MBD6: variants seen among roughly 807,000 people sequenced by gnomAD.
The protein encoded by MBD6 is methyl-CpG binding domain protein 6.
Under a neutral mutation model 66.8 loss-of-function variants are expected in MBD6, and 22 were observed. The ratio of observed to expected loss-of-function variants is 0.33; its 90% CI spans 0.24 to 0.47. MBD6 has a LOEUF of 0.47. Ranked by LOEUF, MBD6 falls within the 20% of genes least tolerant of loss-of-function variation. The pLI is 1.00. For missense variants in MBD6, 1,322 were observed against 1,286.9 expected (o/e 1.03, Z -0.42); for synonymous variants, 540 against 534.6 (o/e 1.01, Z -0.14).
Position 57,525,924 on chromosome 12 carries a change from T to C in MBD6, c.956T>C (p.Leu319Pro). 4 of 1,611,362 alleles carry C rather than the reference T, an allele frequency of 2.5e-6. No individual in the cohort carries two copies. Among genetic ancestry groups the C allele is most frequent in the Non-Finnish European group, 3.4e-6 (4 of 1,179,090 alleles). The change falls in exon 6 of 13, where the codon CTT becomes CCT. Residue 319 changes from leucine (L) to proline (P), a missense_variant. By Grantham distance (98) the Leu-to-Pro change is moderately conservative. Transcript: ENST00000355673. The part of the protein sequence containing the change: ...TVEGPGAPPF[L>P]ASSLLSAAAK... The stretch of plus-strand genomic sequence containing the variant: ...GAGGGGCCTGGGGCACCCCCCTTCC[T>C]TGCTAGCAGCCTACTCTCTGCAGCG...
chr12:57,527,432 T>C, intron 7 of MBD6, 75 bp from the exon 8 acceptor site: 1 of 1,532,538 alleles, frequency 6.5e-7, no homozygotes, highest in Non-Finnish European at 9.0e-7. Context: ...TTCAGTCAGA[T>C]AGTGGATGTG....
chr12:57,527,076 G>C lies in MBD6; in HGVS notation c.1931G>C (p.Gly644Ala), dbSNP rs367729881. 50 of 1,603,036 alleles carry C rather than the reference G, an allele frequency of 3.1e-5. No individual in the cohort carries two copies. In the African/African-American group the frequency reaches 4.8e-4, roughly 15 times the overall value. ...GGGGATGGGGAGGGATCTGCAGAGG[G>C]AGCCGGGGGTCCAAGTGGGGAGCCA... ...TAGDGEGSAEGAGGPSGEPFS... is the reference protein window; with the variant it reads ...TAGDGEGSAEAAGGPSGEPFS... The change falls in exon 7 of 13, where the codon GGA becomes GCA. Residue 644 changes from glycine (G) to alanine (A), a missense_variant. Physicochemically the swap from Gly to Ala is moderately conservative, Grantham distance 60. Transcript: ENST00000355673.
At chr12:57,530,941 A>G (rs1222298423), downstream of MBD6, among the ~76,000 whole-genome samples, 1 of 152,236 alleles carries the variant, frequency 6.6e-6, no homozygotes, top group Non-Finnish European at 1.5e-5. Context: ...CTTAGAGTAC[A>G]TAGACCACGC....
intron 8 of MBD6, 76 bp from the exon 9 acceptor site, chr12:57,527,772 C>T (rs1009556207): frequency 6.4e-7 from 1 of 1,572,994 alleles, no homozygotes; most frequent in Non-Finnish European, 8.6e-7. Flanking sequence ...CTGGATAAAG[C>T]CTAAAGAGAA....
At chr12:57,529,091 T>A in intron 12 of MBD6, 69 bp from the exon 13 acceptor site, 1 of 1,612,080 alleles carries the variant, frequency 6.2e-7, no homozygotes, top group Non-Finnish European at 8.5e-7. Context: ...TTAGAGGGAG[T>A]GGGGAGAAAA....
In MBD6 at chr12:57,528,353, G is replaced by T; in HGVS notation, c.2613G>T (p.Glu871Asp). 6.2e-7 allele frequency: 1 copy of T among 1,612,014 alleles called. No homozygotes were observed. The highest frequency in any genetic ancestry group is 8.5e-7 in the Non-Finnish European group (1 of 1,179,608). Reference protein sequence around the residue: ...GGGGLRGINGEARPARGRKPG... With the variant: ...GGGGLRGINGDARPARGRKPG... ...GGGGACTTAGGGGCATTAATGGTGA[G>T]GCCAGGCCAGCCCGGGGCCGAAAGC... Residue 871 changes from glutamate (E) to aspartate (D), a missense_variant, in exon 10 of 13, where the codon GAG becomes GAT. Transcript: ENST00000355673.
In MBD6 at chr12:57,524,285, C is replaced by G. The variant is rs757955912; in HGVS notation, c.-19C>G. On this transcript the variant is annotated 5_prime_UTR_variant, in exon 3 of 13. Coordinates refer to ENST00000355673, the MANE Select transcript of MBD6 (RefSeq NM_052897.4). ...ATGGATGTCTGTGTTATCAGGCACG[C>G]GGGAGCTGATTACACACAATGAATG... 1.4e-5 allele frequency: 22 copies of G among 1,517,466 alleles called. No individual in the cohort carries two copies. In the Admixed American group the frequency reaches 4.8e-4, roughly 33 times the overall value. 94.0% of individuals were successfully genotyped at this position (1,517,466 alleles called of 1,614,324 possible). A position where few individuals can be genotyped will look rare whatever the true frequency, so the allele number is the denominator to read the frequency against.
intron 8 of MBD6, 38 bp from the exon 9 acceptor site, chr12:57,527,810 T>G (rs1473577250): frequency 1.2e-6 from 2 of 1,603,196 alleles, no homozygotes; most frequent in Non-Finnish European, 8.5e-7. Context: ...CTAATTGGTT[T>G]GCCTAGGGAG....
Position 57,525,863 on chromosome 12 carries a change from CT to C in MBD6, c.896del (p.Leu299ArgfsTer78), listed in dbSNP as rs760318775. The C allele has an allele frequency of 6.2e-7, 1 of 1,613,730 alleles. No individual in the cohort carries two copies. The highest frequency in any genetic ancestry group is 8.5e-7 in the Non-Finnish European group (1 of 1,179,856). ...PVSSATMHLP[L>X]VLGPLGGAPT... The stretch of plus-strand genomic sequence containing the variant: ...GTCTTCAGCCACTATGCACCTGCCC[CT>C]GGTCCTGGGGCCCCTGGGAGGGGCC... On this transcript the variant is annotated frameshift_variant, in exon 6 of 13. Coordinates refer to ENST00000355673, the MANE Select transcript of MBD6 (RefSeq NM_052897.4). LOFTEE classifies it high-confidence loss of function.
rs1879233888 is a variant in MBD6 at position 57,528,491 on chromosome 12, G to A, written c.2751G>A (p.Gly917=). The A allele has an allele frequency of 6.2e-7, 1 of 1,614,002 alleles. No individual in the cohort carries two copies. The highest frequency in any genetic ancestry group is 8.5e-7 in the Non-Finnish European group (1 of 1,180,006). ...GAACCCACCATTGGCAGCATAATGG[G>A]GAGCTGGCTGAAGGGGGTGCTGAGC... is the stretch of plus-strand genomic sequence containing the variant. ...PRRTHHWQHN[G]ELAEGGAEPK... is the part of the protein sequence containing the mutation. Residue 917 remains glycine (G), a synonymous_variant, in exon 10 of 13, where the codon GGG becomes GGA. Transcript: ENST00000355673.
intron 1 of MBD6, 129 bp downstream of exon 1, chr12:57,523,140 C>G (rs889222439): frequency 6.7e-6 from 1 of 149,688 alleles, no homozygotes. Context: ...CTGCCCCCGC[C>G]GCTTCTCCCT....
Position 57,528,451 on chromosome 12 carries a change from A to G in MBD6, c.2711A>G (p.Glu904Gly). ...CGTGGTGGCTTCAATGGACAAATGG[A>G]AAGGTCCCCAAGAAGAACCCACCAT... ...GTRGGFNGQM[E>G]RSPRRTHHWQ... is the part of the protein sequence containing the mutation. The change falls in exon 10 of 13, where the codon GAA (glutamate) becomes GGA (glycine). Residue 904 changes from glutamate to glycine, a missense_variant. Coordinates refer to ENST00000355673, the MANE Select transcript of MBD6 (RefSeq NM_052897.4). 2 of 1,613,808 alleles carry G rather than the reference A, an allele frequency of 1.2e-6. No homozygotes were observed. Among genetic ancestry groups the G allele is most frequent in the Non-Finnish European group, 1.7e-6 (2 of 1,180,038 alleles).
upstream of MBD6, among the ~76,000 whole-genome samples, chr12:57,522,406 A>G (rs1466492572): frequency 6.6e-6 from 1 of 151,732 alleles, no homozygotes; most frequent in Non-Finnish European, 1.5e-5. Context: ...GGGCAGGGCA[A>G]GTCGCGACTT....
Position 57,525,889 on chromosome 12 carries a change from CCCCACGGTGGAGGGGCCTGGGGCA to C in MBD6, c.925_948del (p.Thr309_Pro316del). ...TGGTCCTGGGGCCCCTGGGAGGGGC[CCCCACGGTGGAGGGGCCTGGGGCA>C]CCCCCCTTCCTTGCTAGCAGCCTAC... is the stretch of plus-strand genomic sequence containing the variant. On this transcript the variant is annotated inframe_deletion, in exon 6 of 13. Transcript: ENST00000355673. The C allele has an allele frequency of 6.2e-7, 1 of 1,613,102 alleles. No homozygotes were observed. The highest frequency in any genetic ancestry group is 2.2e-5 in the East Asian group (1 of 44,826).
chr12:57,528,788 A>G, intron 11 of MBD6, 70 bp downstream of exon 11: 3 of 1,606,434 alleles, frequency 1.9e-6, no homozygotes, highest in Non-Finnish European at 2.6e-6. Flanking sequence ...TCTAATGTCC[A>G]AATAGTGGCT....
chr12:57,526,870 C>T lies in MBD6; in HGVS notation c.1725C>T (p.Pro575=). 1 of 1,613,438 alleles carries T rather than the reference C, an allele frequency of 6.2e-7. No individual in the cohort carries two copies. The highest frequency in any genetic ancestry group is 8.5e-7 in the Non-Finnish European group (1 of 1,179,788). ...GAGGAGGACAACCTCCCCCTGAGCC[C>T]CTGCTACCCCCACCAGGAGGACCTG... ...TGGGGQPPPE[P]LLPPPGGPGP... Residue 575 remains proline (P), a synonymous_variant, in exon 7 of 13, where the codon CCC becomes CCT. Transcript: ENST00000355673.
At chr12:57,522,744 GCGGCTGCGGCAGCGA>G (rs1282780182), upstream of MBD6, 43 of 152,598 alleles carry the variant, frequency 2.8e-4, no homozygotes, top group Admixed American at 4.8e-4. Flanking sequence ...TCCTGCGGCG[GCGGCTGCGGCAGCGA>G]CGGCGGCGGC....
At chr12:57,525,183 G>T in intron 5 of MBD6, 68 bp downstream of exon 5, 3 of 1,559,486 alleles carry the variant, frequency 1.9e-6, no homozygotes, top group Non-Finnish European at 1.7e-6. Context: ...GTGGTGGGAG[G>T]AGTTCCTTGA....
chr12:57,531,360 TA>T (rs553194738), downstream of MBD6, among the ~76,000 whole-genome samples: 1,209 of 146,740 alleles, frequency 8.2e-3, 15 homozygotes, highest in African/African-American at 0.028. Flanking sequence ...CCGTCTCTAC[TA>T]AAAAAAAAAA....
Sources: gnomAD v4.1 joint callset for allele counts (sites outside exome capture counted in the v4.1 genomes callset) on GRCh38, gnomAD v4.1.1 for gene constraint, MANE v1.5 for transcripts, NCBI Gene and HGNC (gene_info 2026-07-23, HGNC 2026-07-21) for gene names.